FBXO4: variants seen among roughly 807,000 people sequenced by gnomAD.
FBXO4 encodes the protein F-box only protein 4.
In FBXO4, 36 loss-of-function variants were observed where a neutral mutation model predicts 43.7. That is an observed-to-expected ratio of 0.82 (90% confidence interval 0.63 to 1.09). The LOEUF (loss-of-function observed/expected upper bound fraction) is 1.09. FBXO4 is among the 50% of genes least tolerant of loss of function. The pLI is 0.00. For synonymous variants in FBXO4, 180 were observed against 165.6 expected (o/e 1.09, Z -0.67); for missense variants, 435 against 474.1 (o/e 0.92, Z 0.77).
the FBXO4 span, among the ~76,000 whole-genome samples, chr5:41,948,081 T>C: frequency 2.6e-5 from 4 of 152,178 alleles, no homozygotes; most frequent in African/African-American, 7.2e-5. Context: ...AAATTTTACA[T>C]TTTATTTAAT....
intron 1 of FBXO4, among the ~76,000 whole-genome samples, chr5:41,926,464 T>G (rs952144684): frequency 2.0e-5 from 3 of 152,132 alleles, no homozygotes; most frequent in African/African-American, 7.2e-5. Flanking sequence ...TCCCAGCTAC[T>G]TGGGAGGCTG....
chr5:41,944,259 AAGCGTTT>A (rs775105147), downstream of FBXO4, among the ~76,000 whole-genome samples: 8 of 152,252 alleles, frequency 5.3e-5, no homozygotes, highest in Non-Finnish European at 1.0e-4. Context: ...CAATTAAAAT[AAGCGTTT>A]ACTAAAAGAA....
chr5:41,999,536 CATATATATGTATATATATATAT>C, the FBXO4 span, among the ~76,000 whole-genome samples: 1 of 79,882 alleles, frequency 1.3e-5, no homozygotes, highest in Non-Finnish European at 2.2e-5. Flanking sequence ...TATATATATA[CATATATATGTATATATATATAT>C]ATATGTATAT....
rs771124157 is a variant in FBXO4, at chr5:41,934,119, A to C, written c.723-14A>C. 1.8e-5 allele frequency: 29 copies of C among 1,613,494 alleles called. 1 individual carries two copies. In the South Asian group the frequency reaches 2.5e-4, roughly 14 times the overall value. ...GTGTCTTTTTATATTCTGTCTTTACAATTTTTTTTCTAGAAAGGAAAGAGA... is the reference window on the plus strand; with the variant it reads ...GTGTCTTTTTATATTCTGTCTTTACCATTTTTTTTCTAGAAAGGAAAGAGA... On this transcript the variant is annotated splice_polypyrimidine_tract_variant and intron_variant, in intron 4 of 6. Coordinates refer to ENST00000281623, the MANE Select transcript of FBXO4 (RefSeq NM_012176.3).
downstream of FBXO4, among the ~76,000 whole-genome samples, chr5:41,945,153 T>C (rs546364268): frequency 6.6e-6 from 1 of 152,274 alleles, no homozygotes; most frequent in South Asian, 2.1e-4. Flanking sequence ...GGTAGCAACA[T>C]TTTTTTAAAA....
the FBXO4 span, among the ~76,000 whole-genome samples, chr5:42,021,770 G>A: frequency 6.6e-6 from 1 of 152,036 alleles, no homozygotes; most frequent in South Asian, 2.1e-4. Context: ...ATTTGGTATT[G>A]TGTAATTTTT....
At chr5:41,926,430 G>A (rs943079357) in intron 1 of FBXO4, among the ~76,000 whole-genome samples, 8 of 152,094 alleles carry the variant, frequency 5.3e-5, no homozygotes, top group Non-Finnish European at 1.0e-4. Flanking sequence ...AAAATTAGCC[G>A]GGCTTGGTGG....
chr5:41,995,521 C>A, the FBXO4 span, among the ~76,000 whole-genome samples: 1 of 152,294 alleles, frequency 6.6e-6, no homozygotes, highest in African/African-American at 2.4e-5. Context: ...TGAGCCCATG[C>A]GCAACCTCTA....
At chr5:42,032,292 G>C in the FBXO4 span, among the ~76,000 whole-genome samples, 278 of 152,224 alleles carry the variant, frequency 1.8e-3, 1 homozygote, top group African/African-American at 6.5e-3. Context: ...CACAAAGCCA[G>C]GAAGGCCTAT....
chr5:41,925,642 T>G, intron 1 of FBXO4, 144 bp downstream of exon 1: 1 of 535,202 alleles, frequency 1.9e-6, no homozygotes, highest in Non-Finnish European at 2.9e-6. Context: ...GGCAGTGTAG[T>G]CACCGAGAAG....
At chr5:42,002,826 T>A in the FBXO4 span, among the ~76,000 whole-genome samples, 1 of 152,184 alleles carries the variant, frequency 6.6e-6, no homozygotes, top group African/African-American at 2.4e-5. Flanking sequence ...ATGAATAGGC[T>A]CAGATAATAT....
the FBXO4 span, among the ~76,000 whole-genome samples, chr5:41,985,854 C>A: frequency 6.6e-6 from 1 of 152,104 alleles, no homozygotes; most frequent in Admixed American, 6.5e-5. Flanking sequence ...TAGCTTTTTG[C>A]TAACTTTGTA....
the FBXO4 span, chr5:41,967,221 G>A: frequency 2.0e-6 from 1 of 496,828 alleles, no homozygotes; most frequent in Admixed American, 2.3e-5. Flanking sequence ...GGCAATTATG[G>A]TATTCTTCAT....
chr5:42,000,652 T>G, the FBXO4 span, among the ~76,000 whole-genome samples: 1 of 152,332 alleles, frequency 6.6e-6, no homozygotes, highest in East Asian at 1.9e-4. Context: ...CAAAAAATCA[T>G]TGCCAAGACC....
chr5:42,025,002 C>T, the FBXO4 span, among the ~76,000 whole-genome samples: 8 of 152,030 alleles, frequency 5.3e-5, no homozygotes, highest in Admixed American at 5.2e-4. Context: ...AACAGTGCCG[C>T]AACAAATATG....
chr5:41,932,925 G>A lies in FBXO4; in HGVS notation c.647-1021G>A, dbSNP rs191085454. Among the ~76,000 whole-genome samples the A allele has an allele frequency of 4.1e-3, 631 of 152,228 alleles. 3 individuals are homozygous for A. The highest frequency in any genetic ancestry group is 6.1e-3 in the Non-Finnish European group (417 of 68,006). On this transcript the variant is annotated intron_variant, in intron 3 of 6. Transcript: ENST00000281623. ...AAGGAGGGAAGAGGTTAAGAAAGAA[G>A]GACAAATAACAGTGGCTAATGATTC...
At chr5:42,013,705 G>GTGT in the FBXO4 span, among the ~76,000 whole-genome samples, 1 of 152,176 alleles carries the variant, frequency 6.6e-6, no homozygotes, top group East Asian at 1.9e-4. Context: ...TTATGAGCTT[G>GTGT]TGTTCATTTG....
the FBXO4 span, among the ~76,000 whole-genome samples, chr5:42,038,949 G>A: frequency 6.6e-6 from 1 of 152,008 alleles, no homozygotes; most frequent in African/African-American, 2.4e-5. Context: ...GTTTACTTCA[G>A]CTATACATCT....
the FBXO4 span, among the ~76,000 whole-genome samples, chr5:42,036,403 C>T: frequency 1.3e-5 from 2 of 152,056 alleles, no homozygotes; most frequent in Admixed American, 6.6e-5. Context: ...TTTGATAAAA[C>T]GTTTGATTGG....
Sources: allele counts gnomAD v4.1 joint callset (sites outside exome capture counted in the v4.1 genomes callset), GRCh38; gene constraint gnomAD v4.1.1; transcripts MANE v1.5; gene names NCBI Gene and HGNC (gene_info 2026-07-23, HGNC 2026-07-21).